Variants in CDK19 observed in about 807,000 individuals in gnomAD.
CDK19 encodes the protein cyclin dependent kinase 19.
Under a neutral mutation model 68.3 loss-of-function variants are expected in CDK19, and 20 were observed. The ratio of observed to expected loss-of-function variants is 0.29; its 90% CI spans 0.21 to 0.43. The LOEUF is 0.43. CDK19 is among the 20% of genes least tolerant of loss of function. The pLI, the probability that CDK19 is intolerant of heterozygous loss-of-function variation, is 1.00. For synonymous variants in CDK19, 221 were observed against 222.8 expected (o/e 0.99, Z 0.07); for missense variants, 339 against 623.5 (o/e 0.54, Z 4.86).
In CDK19 at chr6:110,739,796, AATTATTATTATTATT is replaced by A. The variant is rs57995761; in HGVS notation, c.204+6315_204+6329del. ...CAGGTGAGTGCCACTATGCCCAGCT[AATTATTATTATTATT>A]ATTATTATTATAGAGACAGGGTCTC... On this transcript the variant is annotated intron_variant, in intron 2 of 12. Coordinates refer to ENST00000368911, the MANE Select transcript of CDK19 (RefSeq NM_015076.5). Among the ~76,000 whole-genome samples, 5 of 147,408 alleles carry A rather than the reference AATTATTATTATTATT, an allele frequency of 3.4e-5. No homozygotes were observed. The East Asian group carries it at 6.0e-4, about 18-fold the overall frequency.
chr6:110,815,048 C>G lies in CDK19; in HGVS notation c.89G>C (p.Gly30Ala). Residue 30 changes from glycine (G) to alanine (A), a missense_variant, in exon 1 of 13, where the codon GGC becomes GCC. By Grantham distance (60) the Gly-to-Ala change is moderately conservative. Around this residue, in one of 4 missense-constraint regions of CDK19, gnomAD observed 120 missense variants for 224.0 expected, o/e 0.54. Coordinates refer to ENST00000368911, the MANE Select transcript of CDK19 (RefSeq NM_015076.5). The part of the protein sequence containing the change: ...FEYEGCKVGR[G>A]TYGHVYKARR... ...CGCCTTGTAGACGTGACCGTAGGTG[C>G]CGCGTCCCACTTTGCACCCTTCGTA... 1 of 1,605,966 alleles carries G rather than the reference C, an allele frequency of 6.2e-7. No homozygotes were observed. The highest frequency in any genetic ancestry group is 8.5e-7 in the Non-Finnish European group (1 of 1,176,858).
At chr6:110,663,367 C>A (rs1245661207) in intron 4 of CDK19, among the ~76,000 whole-genome samples, 2 of 152,182 alleles carry the variant, frequency 1.3e-5, no homozygotes, top group African/African-American at 4.8e-5. Flanking sequence ...CTTTATATTT[C>A]TGTATCTACT....
intron 1 of CDK19, among the ~76,000 whole-genome samples, chr6:110,774,305 T>A (rs955314236): frequency 1.3e-5 from 2 of 152,162 alleles, no homozygotes; most frequent in African/African-American, 4.8e-5. Flanking sequence ...TCCCCCCTTA[T>A]CCATGGGGAA....
chr6:110,789,576 A>C (rs1781458394), intron 1 of CDK19, among the ~76,000 whole-genome samples: 1 of 151,844 alleles, frequency 6.6e-6, no homozygotes, highest in African/African-American at 2.4e-5. Context: ...CATGCCAGCC[A>C]AATTTTAACT....
At chr6:110,701,063 G>A (rs1159799571) in intron 2 of CDK19, among the ~76,000 whole-genome samples, 1 of 151,938 alleles carries the variant, frequency 6.6e-6, no homozygotes, top group Non-Finnish European at 1.5e-5. Flanking sequence ...ACTTAGCCAG[G>A]CGTGGTGGCA....
chr6:110,808,041 C>A (rs1209436075), intron 1 of CDK19, among the ~76,000 whole-genome samples: 1 of 152,122 alleles, frequency 6.6e-6, no homozygotes. Flanking sequence ...CTTAATATTT[C>A]TCCTGTAACT....
chr6:110,804,028 A>G (rs1359237930), intron 1 of CDK19, among the ~76,000 whole-genome samples: 1 of 152,172 alleles, frequency 6.6e-6, no homozygotes, highest in Non-Finnish European at 1.5e-5. Context: ...AGAGAAAGGG[A>G]CGGAGGGAGG....
chr6:110,629,522 T>C (rs1015722357), intron 6 of CDK19, among the ~76,000 whole-genome samples: 4 of 152,084 alleles, frequency 2.6e-5, no homozygotes, highest in African/African-American at 9.7e-5. Context: ...GCCTGGCTAA[T>C]TTTTGTATTT....
rs193296853 is a variant in CDK19 at position 110,810,468 on chromosome 6, A to G, written c.128+4541T>C. On this transcript the variant is annotated intron_variant, in intron 1 of 12. Transcript: ENST00000368911. Reference sequence around the variant, plus strand: ...AAGTGTTGACAGTGAGGATGAAGAAAAAAACAGATGAAAAGCAGCAGCATG... The same window carrying G: ...AAGTGTTGACAGTGAGGATGAAGAAGAAAACAGATGAAAAGCAGCAGCATG... Among the ~76,000 whole-genome samples the G allele has an allele frequency of 5.3e-5, 8 of 152,334 alleles. No individual in the cohort carries two copies. The East Asian group carries it at 1.5e-3, about 29-fold the overall frequency.
At chr6:110,765,050 A>AT (rs896239031) in intron 1 of CDK19, among the ~76,000 whole-genome samples, 60 of 146,872 alleles carry the variant, frequency 4.1e-4, no homozygotes, top group South Asian at 8.6e-4. Context: ...AACACAATTC[A>AT]TTTTTTTTTT....
chr6:110,646,131 G>T, intron 4 of CDK19: 1 of 912,706 alleles, frequency 1.1e-6, no homozygotes, highest in Non-Finnish European at 1.7e-6. Flanking sequence ...CATCTCTGAT[G>T]CTAACACCTT....
chr6:110,719,972 G>GCTCCCCCCCCCCCC (rs1554211507), intron 2 of CDK19, among the ~76,000 whole-genome samples: 90 of 45,548 alleles, frequency 2.0e-3, no homozygotes, highest in South Asian at 3.5e-3. Context: ...CTTGTGATCC[G>GCTCCCCCCCCCCCC]CCCCCCCCCC....
intron 4 of CDK19, among the ~76,000 whole-genome samples, chr6:110,649,718 G>A (rs77317652): frequency 6.6e-6 from 1 of 152,048 alleles, no homozygotes; most frequent in East Asian, 1.9e-4. Context: ...GTACAGACAG[G>A]TTTAACCAAT....
At chr6:110,630,350 C>T (rs1779362001) in intron 6 of CDK19, among the ~76,000 whole-genome samples, 1 of 152,212 alleles carries the variant, frequency 6.6e-6, no homozygotes, top group Non-Finnish European at 1.5e-5. Flanking sequence ...TGTCATTAAC[C>T]TGTTCTAAGG....
chr6:110,755,560 G>A (rs1778780312), intron 1 of CDK19, among the ~76,000 whole-genome samples: 1 of 152,094 alleles, frequency 6.6e-6, no homozygotes, highest in Non-Finnish European at 1.5e-5. Flanking sequence ...AAGGAGGAAA[G>A]GACAGGGCCT....
chr6:110,746,006 T>A, intron 2 of CDK19, 120 bp downstream of exon 2: 1 of 477,616 alleles, frequency 2.1e-6, no homozygotes, highest in Non-Finnish European at 3.6e-6. Context: ...CATAAAATAT[T>A]CTTAAACTAA....
chr6:110,719,548 C>T (rs1180531523), intron 2 of CDK19, among the ~76,000 whole-genome samples: 1 of 152,040 alleles, frequency 6.6e-6, no homozygotes, highest in African/African-American at 2.4e-5. Context: ...TAAATCTAAA[C>T]ATATGAATAA....
At chr6:110,783,436 G>A (rs1041723390) in intron 1 of CDK19, among the ~76,000 whole-genome samples, 4 of 151,992 alleles carry the variant, frequency 2.6e-5, no homozygotes, top group African/African-American at 4.8e-5. Flanking sequence ...TCAGGAGTTC[G>A]AGACCAGCCT....
chr6:110,706,407 T>TG (rs1774487972), intron 2 of CDK19: 3 of 78,842 alleles, frequency 3.8e-5, no homozygotes, highest in African/African-American at 1.2e-4. Context: ...CACTGTTGTT[T>TG]TTTTTTTGTT....
Sources: allele counts gnomAD v4.1 joint callset (sites outside exome capture counted in the v4.1 genomes callset), GRCh38; gene constraint gnomAD v4.1.1; regional missense constraint gnomAD v4.1.1; transcripts MANE v1.5; gene names NCBI Gene and HGNC (gene_info 2026-07-23, HGNC 2026-07-21).